Variants in MACF1 observed in about 807,000 individuals in gnomAD.
The protein encoded by MACF1 is microtubule-actin cross-linking factor 1.
In MACF1, 193 loss-of-function variants were observed where a neutral mutation model predicts 854.8. The observed-to-expected ratio is 0.23, with a 90% CI of 0.20 to 0.25. The LOEUF is 0.25. Among genes scored for constraint, MACF1 ranks in the 10% least tolerant of loss-of-function variants. The pLI is 1.00. For missense variants in MACF1, 7,722 were observed against 8,929.1 expected, an observed-to-expected ratio of 0.86 and a Z score of 5.45; for synonymous variants, 3,185 against 3,226.7, an observed-to-expected ratio of 0.99 and a Z score of 0.44.
At chr1:39,125,921 AG>A (rs2148164294) in intron 2 of MACF1, among the ~76,000 whole-genome samples, 1 of 152,212 alleles carries the variant, frequency 6.6e-6, no homozygotes, top group African/African-American at 2.4e-5. Flanking sequence ...TTAACCCGGG[AG>A]GCGGAGGTTC....
chr1:39,362,642 C>T (rs1648299630), intron 49 of MACF1, among the ~76,000 whole-genome samples: 1 of 152,048 alleles, frequency 6.6e-6, no homozygotes, highest in South Asian at 2.1e-4. Flanking sequence ...CATAAGAGCA[C>T]TTTTGGAACT....
chr1:39,413,296 G>T (rs1398982737), intron 58 of MACF1: 4 of 1,587,674 alleles, frequency 2.5e-6, no homozygotes, highest in Non-Finnish European at 2.6e-6. Flanking sequence ...GCCCACCCCA[G>T]AGGAGCCCAC....
intron 2 of MACF1, among the ~76,000 whole-genome samples, chr1:39,109,404 G>T (rs1420084154): frequency 6.6e-6 from 1 of 151,964 alleles, no homozygotes. Context: ...TGAATAGCTG[G>T]GATTACAGGT....
intron 100 of MACF1, chr1:39,485,170 C>T (rs1417430727): frequency 3.3e-6 from 1 of 304,922 alleles, no homozygotes; most frequent in Non-Finnish European, 6.1e-6. Flanking sequence ...AATCTTCCTT[C>T]ATTTCCTGGC....
intron 1 of MACF1, among the ~76,000 whole-genome samples, chr1:39,225,269 T>C (rs1393730546): frequency 1.4e-5 from 2 of 140,124 alleles, no homozygotes; most frequent in Non-Finnish European, 3.0e-5. Flanking sequence ...GACTGCGGAC[T>C]GCAGTGGCGC....
chr1:39,172,523 G>C (rs1022371871), intron 2 of MACF1, among the ~76,000 whole-genome samples: 3 of 152,108 alleles, frequency 2.0e-5, no homozygotes, highest in Admixed American at 2.0e-4. Flanking sequence ...AGAGCCATGT[G>C]GGGCCTTATT....
At chr1:39,373,427 C>T (rs1440043177) in intron 52 of MACF1, 3 of 139,202 alleles carry the variant, frequency 2.2e-5, no homozygotes, top group Non-Finnish European at 3.0e-5. Context: ...CACGACAGTG[C>T]ATGCACTCCA....
intron 2 of MACF1, among the ~76,000 whole-genome samples, chr1:39,172,143 T>C (rs967611156): frequency 2.0e-5 from 3 of 152,162 alleles, no homozygotes; most frequent in Non-Finnish European, 4.4e-5. Flanking sequence ...TGGACTGTTA[T>C]CCAGCTCTGT....
intron 2 of MACF1, among the ~76,000 whole-genome samples, chr1:39,129,973 G>A (rs79163542): frequency 0.039 from 6,010 of 152,226 alleles, 178 homozygotes; most frequent in African/African-American, 0.075. Context: ...TGTGGCTTAG[G>A]GAGCAGAATG....
At chr1:39,302,047 G>GT (rs1646055843) in intron 22 of MACF1, among the ~76,000 whole-genome samples, 1 of 151,784 alleles carries the variant, frequency 6.6e-6, no homozygotes, top group Non-Finnish European at 1.5e-5. Context: ...CCAGGCTGGA[G>GT]TGCAGTGGCA....
intron 6 of MACF1, among the ~76,000 whole-genome samples, chr1:39,270,990 T>C (rs865921486): frequency 1.3e-5 from 2 of 152,170 alleles, no homozygotes; most frequent in Admixed American, 6.5e-5. Context: ...TGAAAAAATA[T>C]CTATTTTATG....
chr1:39,369,937 A>G lies in MACF1; in HGVS notation c.12939-93A>G, dbSNP rs569792080. The G allele has an allele frequency of 1.6e-5, 19 of 1,151,586 alleles. No homozygotes were observed. In the African/African-American group the frequency reaches 2.8e-4, roughly 17 times the overall value. 71.3% of individuals were successfully genotyped at this position (1,151,586 alleles called of 1,614,324 possible). A position where few individuals can be genotyped will look rare whatever the true frequency, so the allele number is the denominator to read the frequency against. Reference sequence around the variant, plus strand: ...TGAGAAAGAAAGGCCATGTTAGGTAACTGATGTCTGGAGTCACAGAATGAA... The same window carrying G: ...TGAGAAAGAAAGGCCATGTTAGGTAGCTGATGTCTGGAGTCACAGAATGAA... On this transcript the variant is annotated intron_variant, in intron 50 of 100. Transcript: ENST00000564288.
Position 39,337,257 on chromosome 1 carries a change from G to A in MACF1, c.10141G>A (p.Glu3381Lys). Residue 3381 changes from glutamate (E) to lysine (K), a missense_variant, in exon 38 of 101, where the codon GAA (glutamate) becomes AAA (lysine). Around this residue, in one of 15 missense-constraint regions of MACF1, gnomAD observed 854 missense variants for 852.6 expected, o/e 1.00. Transcript: ENST00000564288. ...VSYLSLLRNIEMRTKQIQPLE... is the reference protein window; with the variant it reads ...VSYLSLLRNIKMRTKQIQPLE... ...CTATCTGTCTCTGTTACGGAACATT[G>A]AAATGAGGACCAAACAGATTCAACC... 1.2e-6 allele frequency: 2 copies of A among 1,614,062 alleles called. No homozygotes were observed. Among genetic ancestry groups the A allele is most frequent in the Non-Finnish European group, 1.7e-6 (2 of 1,179,976 alleles).
rs147544102 is a variant in MACF1, at chr1:39,442,445, C to G, written c.18982C>G (p.Gln6328Glu). Residue 6328 changes from glutamine to glutamate, a missense_variant, in exon 77 of 101, where the codon CAG becomes GAG. Gln to Glu is a conservative substitution (Grantham distance 29). Transcript: ENST00000564288. ...KLEGALLALG[Q>E]FQHALEELMS... Reference sequence around the variant, plus strand: ...AGAAGGGGCTCTGTTGGCCCTTGGTCAGTTCCAGCATGCCTTAGAGGAACT... The same window carrying G: ...AGAAGGGGCTCTGTTGGCCCTTGGTGAGTTCCAGCATGCCTTAGAGGAACT... 1 of 1,614,180 alleles carries G rather than the reference C, an allele frequency of 6.2e-7. No individual in the cohort carries two copies. Among genetic ancestry groups the G allele is most frequent in the African/African-American group, 1.3e-5 (1 of 75,048 alleles).
intron 66 of MACF1, among the ~76,000 whole-genome samples, chr1:39,431,897 G>A (rs1036990701): frequency 6.6e-6 from 1 of 152,232 alleles, no homozygotes; most frequent in Middle Eastern, 3.4e-3. Context: ...GATCACTCGC[G>A]CCTAGGAGTT....
intron 58 of MACF1, chr1:39,410,831 CAG>C: frequency 1.2e-6 from 2 of 1,614,012 alleles, no homozygotes; most frequent in Non-Finnish European, 1.7e-6. Context: ...GAACCTCAGT[CAG>C]AGTCAGTAAC....
chr1:39,143,472 T>G (rs1008310521), intron 2 of MACF1, among the ~76,000 whole-genome samples: 5 of 152,218 alleles, frequency 3.3e-5, no homozygotes, highest in South Asian at 2.1e-4. Context: ...GTGGCTTGTT[T>G]AGGGTTTCCT....
intron 2 of MACF1, among the ~76,000 whole-genome samples, chr1:39,188,662 C>G (rs537264660): frequency 6.6e-6 from 1 of 152,234 alleles, no homozygotes; most frequent in African/African-American, 2.4e-5. Flanking sequence ...GGAGTCTCAC[C>G]CTGTCACTCA....
At chr1:39,127,922 A>G (rs1417375529) in intron 2 of MACF1, among the ~76,000 whole-genome samples, 4 of 152,216 alleles carry the variant, frequency 2.6e-5, no homozygotes, top group Non-Finnish European at 5.9e-5. Context: ...TCTCTTTTGT[A>G]TTATTACAAA....
Sources: gnomAD v4.1 joint callset for allele counts (sites outside exome capture counted in the v4.1 genomes callset) on GRCh38, gnomAD v4.1.1 for gene constraint, gnomAD v4.1.1 regional missense constraint, MANE v1.5 for transcripts, NCBI Gene and HGNC (gene_info 2026-07-23, HGNC 2026-07-21) for gene names.